Variants in PPARGC1A observed in about 807,000 individuals in gnomAD.
PPARGC1A encodes the protein PPARG coactivator 1 alpha.
In PPARGC1A, 25 loss-of-function variants were observed where a neutral mutation model predicts 88.7. The observed-to-expected ratio is 0.28, with a 90% CI of 0.21 to 0.39. The LOEUF is 0.39. Among genes scored for constraint, PPARGC1A ranks in the 10% least tolerant of loss-of-function variants. PPARGC1A has a pLI of 1.00. For missense variants in PPARGC1A, 880 were observed against 968.7 expected, an observed-to-expected ratio of 0.91 and a Z score of 1.22; for synonymous variants, 363 against 355.6, an observed-to-expected ratio of 1.02 and a Z score of -0.24.
intron 3 of PPARGC1A, among the ~76,000 whole-genome samples, chr4:23,830,915 A>G (rs1198089891): frequency 6.6e-6 from 1 of 152,200 alleles, no homozygotes; most frequent in South Asian, 2.1e-4. Context: ...TAGTTTTTCA[A>G]TCTTCATAAG....
chr4:23,844,002 C>T (rs1016999077), intron 2 of PPARGC1A, among the ~76,000 whole-genome samples: 2 of 151,184 alleles, frequency 1.3e-5, no homozygotes, highest in African/African-American at 2.4e-5. Context: ...TATTTATGTG[C>T]GTATTTACAA....
chr4:24,133,194 T>G, the PPARGC1A span, among the ~76,000 whole-genome samples: 279 of 151,562 alleles, frequency 1.8e-3, 1 homozygote, highest in African/African-American at 6.4e-3. Flanking sequence ...CCCTGGGGGG[T>G]GGTGGTGGGG....
At chr4:23,881,903 G>A (rs1289538228) in intron 2 of PPARGC1A, 2 of 152,182 alleles carry the variant, frequency 1.3e-5, no homozygotes, top group African/African-American at 2.4e-5. Context: ...ATGCTGCTTT[G>A]GTAGAAGCAA....
At chr4:24,305,819 A>T in the PPARGC1A span, among the ~76,000 whole-genome samples, 1 of 152,272 alleles carries the variant, frequency 6.6e-6, no homozygotes, top group East Asian at 1.9e-4. Context: ...TCTCAAAAAA[A>T]ATTTAAAAAG....
At chr4:24,050,194 C>CTTTTT in the PPARGC1A span, among the ~76,000 whole-genome samples, 81 of 127,818 alleles carry the variant, frequency 6.3e-4, 23 homozygotes, top group Non-Finnish European at 6.4e-4. Flanking sequence ...CTTAGGTGAC[C>CTTTTT]TTTTGTTTTT....
At chr4:24,430,321 C>G in the PPARGC1A span, among the ~76,000 whole-genome samples, 2 of 142,512 alleles carry the variant, frequency 1.4e-5, no homozygotes, top group Non-Finnish European at 3.0e-5. Context: ...TGCAGTGGCG[C>G]GATCTCAGCT....
At chr4:23,993,682 GT>G in the PPARGC1A span, among the ~76,000 whole-genome samples, 5 of 152,174 alleles carry the variant, frequency 3.3e-5, no homozygotes, top group East Asian at 9.7e-4. Context: ...TACAGGCAGG[GT>G]TTGAACCAAG....
At chr4:23,890,538 A>G (rs1053820072), upstream of PPARGC1A, among the ~76,000 whole-genome samples, 4 of 151,000 alleles carry the variant, frequency 2.6e-5, no homozygotes, top group Non-Finnish European at 4.4e-5. Context: ...GCAAGAGCTT[A>G]TCACATGATG....
At chr4:24,040,096 A>G in the PPARGC1A span, among the ~76,000 whole-genome samples, 1 of 152,266 alleles carries the variant, frequency 6.6e-6, no homozygotes, top group Admixed American at 6.5e-5. Context: ...GTCTATTTTG[A>G]GGACAACATG....
At chr4:24,158,625 C>A in the PPARGC1A span, among the ~76,000 whole-genome samples, 1 of 152,198 alleles carries the variant, frequency 6.6e-6, no homozygotes, top group Admixed American at 6.5e-5. Context: ...TCTGAGGACA[C>A]TGACCAATTC....
chr4:24,203,571 G>C, the PPARGC1A span, among the ~76,000 whole-genome samples: 1 of 19,360 alleles, frequency 5.2e-5, no homozygotes, highest in East Asian at 2.3e-3. Context: ...ATGAGAGATA[G>C]AAAAAGAAAG....
At chr4:24,221,809 A>G in the PPARGC1A span, among the ~76,000 whole-genome samples, 1 of 58,372 alleles carries the variant, frequency 1.7e-5, no homozygotes, top group Non-Finnish European at 6.3e-5. Flanking sequence ...TTGACAATGA[A>G]TGGAATTGTT....
chr4:24,158,581 T>TA, the PPARGC1A span, among the ~76,000 whole-genome samples: 1 of 152,206 alleles, frequency 6.6e-6, no homozygotes, highest in Admixed American at 6.5e-5. Context: ...GAAAGGCATT[T>TA]AAGTTATAAG....
the PPARGC1A span, among the ~76,000 whole-genome samples, chr4:24,167,406 A>G: frequency 6.6e-6 from 1 of 152,242 alleles, no homozygotes; most frequent in African/African-American, 2.4e-5. Flanking sequence ...AATGACTACA[A>G]AGGATTTAGA....
chr4:24,445,425 C>A, the PPARGC1A span, among the ~76,000 whole-genome samples: 22 of 152,318 alleles, frequency 1.4e-4, no homozygotes, highest in African/African-American at 5.1e-4. Flanking sequence ...TCTGATGACA[C>A]AACCAGATTG....
chr4:23,956,570 T>C, the PPARGC1A span, among the ~76,000 whole-genome samples: 3 of 152,072 alleles, frequency 2.0e-5, no homozygotes, highest in African/African-American at 4.8e-5. Flanking sequence ...TGTCCCTCTC[T>C]ACCCCCAAGA....
chr4:23,875,446 C>G (rs1396462921), intron 2 of PPARGC1A, among the ~76,000 whole-genome samples: 1 of 151,996 alleles, frequency 6.6e-6, no homozygotes, highest in Non-Finnish European at 1.5e-5. Flanking sequence ...GTATCTCTTT[C>G]TACTTTTCCT....
the PPARGC1A span, among the ~76,000 whole-genome samples, chr4:24,200,655 C>A: frequency 3.1e-3 from 272 of 88,310 alleles, 1 homozygote; most frequent in Non-Finnish European, 4.1e-3. Context: ...ATTTATTAAG[C>A]AAAAAAAAAA....
chr4:24,408,387 T>C, the PPARGC1A span, among the ~76,000 whole-genome samples: 1 of 152,034 alleles, frequency 6.6e-6, no homozygotes, highest in East Asian at 1.9e-4. Context: ...ATAGCAACAG[T>C]TCAAATTGGG....
Sources: allele counts gnomAD v4.1 joint callset (sites outside exome capture counted in the v4.1 genomes callset), GRCh38; gene constraint gnomAD v4.1.1; transcripts MANE v1.5; gene names NCBI Gene and HGNC (gene_info 2026-07-23, HGNC 2026-07-21).